ADAM30: variants seen among roughly 807,000 people sequenced by gnomAD.
ADAM30 encodes the protein ADAM metallopeptidase domain 30.
For missense variants in ADAM30, 960 were observed against 959.4 expected, an observed-to-expected ratio of 1.00 and a Z score of -0.01; for synonymous variants, 382 against 340.9, an observed-to-expected ratio of 1.12 and a Z score of -1.33.
At position 119,895,320 on chromosome 1, in the gene ADAM30, C is replaced by A. The variant is rs1157676335; in HGVS notation, c.1017G>T (p.Glu339Asp). The part of the protein sequence containing the change: ...ILAPATWSAH[E>D]LGHAVGMSHD... ...GTGACATTCCTACAGCATGACCCAGCTCATGAGCAGACCAGGTAGCAGGGG... is the reference window on the plus strand; with the variant it reads ...GTGACATTCCTACAGCATGACCCAGATCATGAGCAGACCAGGTAGCAGGGG... Residue 339 changes from glutamate to aspartate, a missense_variant, in exon 1 of 1, where the codon GAG becomes GAT. Transcript: ENST00000369400. 3 of 1,614,168 alleles carry A rather than the reference C, an allele frequency of 1.9e-6. No homozygotes were observed. Among genetic ancestry groups the A allele is most frequent in the Non-Finnish European group, 1.7e-6 (2 of 1,180,038 alleles).
At position 119,894,672 on chromosome 1, in the gene ADAM30, G is replaced by T. The variant is rs1356079232; in HGVS notation, c.1665C>A (p.Gly555=). ...TTTCAACATTTATACACTGTAGCCT[G>T]CCACATATTGAATTTGCACTTTCAC... The part of the protein sequence containing the change: ...KKCESANSIC[G]RLQCINVETI... Residue 555 remains glycine (G), a synonymous_variant, in exon 1 of 1, where the codon GGC becomes GGA. Transcript: ENST00000369400. 6.2e-7 allele frequency: 1 copy of T among 1,614,068 alleles called. No individual in the cohort carries two copies. Among genetic ancestry groups the T allele is most frequent in the East Asian group, 2.2e-5 (1 of 44,880 alleles).
chr1:119,894,680 T>G lies in ADAM30; in HGVS notation c.1657A>C (p.Ile553Leu). The G allele has an allele frequency of 6.2e-7, 1 of 1,614,180 alleles. No homozygotes were observed. Among genetic ancestry groups the G allele is most frequent in the South Asian group, 1.1e-5 (1 of 91,074 alleles). ...TTTATACACTGTAGCCTGCCACATATTGAATTTGCACTTTCACACTTTTTA... is the reference window on the plus strand; with the variant it reads ...TTTATACACTGTAGCCTGCCACATAGTGAATTTGCACTTTCACACTTTTTA... ...NFKKCESANS[I>L]CGRLQCINVE... The change falls in exon 1 of 1, where the codon ATA becomes CTA. Residue 553 changes from isoleucine (I) to leucine (L), a missense_variant. By Grantham distance (5) the Ile-to-Leu change is conservative. Transcript: ENST00000369400.
rs1571134373 is a variant in ADAM30, at chr1:119,893,791, A to G, written c.*173T>C. ...CTGAGGGGCAAGTGAACACTCGAGAAGTAGAATGCACTGGTTTGTTTCCAA... is the reference window on the plus strand; with the variant it reads ...CTGAGGGGCAAGTGAACACTCGAGAGGTAGAATGCACTGGTTTGTTTCCAA... On this transcript the variant is annotated 3_prime_UTR_variant, in exon 1 of 1. Coordinates refer to ENST00000369400, the MANE Select transcript of ADAM30 (RefSeq NM_021794.4). 7.6e-7 allele frequency: 1 copy of G among 1,313,364 alleles called. No individual in the cohort carries two copies. The highest frequency in any genetic ancestry group is 2.5e-5 in the East Asian group (1 of 40,318). The allele number at this position is 1,313,364 out of a possible 1,614,324, so 81.4% of individuals were successfully genotyped here. A position where few individuals can be genotyped will look rare whatever the true frequency, so the allele number is the denominator to read the frequency against.
Position 119,895,698 on chromosome 1 carries a change from T to G in ADAM30, c.639A>C (p.Gln213His). The change falls in exon 1 of 1, where the codon CAA becomes CAC. Residue 213 changes from glutamine to histidine, a missense_variant. By Grantham distance (24) the Gln-to-His change is conservative. Transcript: ENST00000369400. ...TGTTGTTCACAAACCTATACCTACT[T>G]TGATCAAAGAGTAGGATCAATTCCA... ...KYLELILLFDQSRYRFVNNNL... is the reference protein window; with the variant it reads ...KYLELILLFDHSRYRFVNNNL... 1.2e-6 allele frequency: 2 copies of G among 1,614,154 alleles called. No homozygotes were observed. The highest frequency in any genetic ancestry group is 1.7e-6 in the Non-Finnish European group (2 of 1,180,032).
In ADAM30 at chr1:119,896,021, T is replaced by C. The variant is rs1338405174; in HGVS notation, c.316A>G (p.Ile106Val). 6 of 1,614,050 alleles carry C rather than the reference T, an allele frequency of 3.7e-6. No individual in the cohort carries two copies. The Middle Eastern group carries it at 6.6e-4, about 177-fold the overall frequency. ...HGELLEDHPY[I>V]PKDCNYMGSV... The stretch of plus-strand genomic sequence containing the variant: ...CCCATGTAGTTGCAGTCCTTTGGTA[T>C]GTAAGGATGATCCTCCAGCAGTTCC... The change falls in exon 1 of 1, where the codon ATA becomes GTA. Residue 106 changes from isoleucine (I) to valine (V), a missense_variant. Physicochemically the swap from Ile to Val is conservative, Grantham distance 29. Transcript: ENST00000369400.
At position 119,894,453 on chromosome 1, in the gene ADAM30, G is replaced by A; in HGVS notation, c.1884C>T (p.Val628=). The A allele has an allele frequency of 6.2e-7, 1 of 1,614,134 alleles. No homozygotes were observed. The highest frequency in any genetic ancestry group is 8.5e-7 in the Non-Finnish European group (1 of 1,180,032). Reference sequence around the variant, plus strand: ...TCTCAGGCAAACAGTCAAACTGCAGGACTGAGCTATTGACGCAATTTTTTT... The same window carrying A: ...TCTCAGGCAAACAGTCAAACTGCAGAACTGAGCTATTGACGCAATTTTTTT... ...CFKKNCVNSS[V]LQFDCLPEKC... Residue 628 remains valine (V), a synonymous_variant, in exon 1 of 1, where the codon GTC becomes GTT. Coordinates refer to ENST00000369400, the MANE Select transcript of ADAM30 (RefSeq NM_021794.4).
chr1:119,896,173 A>G lies in ADAM30; in HGVS notation c.164T>C (p.Val55Ala), dbSNP rs137940074. 1.9e-6 allele frequency: 3 copies of G among 1,613,958 alleles called. No homozygotes were observed. Among genetic ancestry groups the G allele is most frequent in the Non-Finnish European group, 2.5e-6 (3 of 1,179,980 alleles). Residue 55 changes from valine (V) to alanine (A), a missense_variant, in exon 1 of 1, where the codon GTG becomes GCG. Val to Ala is a moderately conservative substitution (Grantham distance 64, BLOSUM62 0). Transcript: ENST00000369400. ...IPEKLSFRGE[V>A]QGVVSPVSYL... ...GGACACGGGACTGACCACACCCTGC[A>G]CCTCTCCCCGGAAGCTCAGCTTCTC...
At position 119,896,389 on chromosome 1, in the gene ADAM30, C is replaced by A. The variant is rs1367935069; in HGVS notation, c.-53G>T. On this transcript the variant is annotated 5_prime_UTR_variant, in exon 1 of 1. The change creates a new upstream start codon in the 5' untranslated region. Coordinates refer to ENST00000369400, the MANE Select transcript of ADAM30 (RefSeq NM_021794.4). ...GCTATTCAGTCCCTGCAACTCTGGC[C>A]TCGCGAGTCAGATTTCTGGGGGCCG... 3.4e-6 allele frequency: 5 copies of A among 1,475,322 alleles called. No homozygotes were observed. In the South Asian group the frequency reaches 5.9e-5, roughly 17 times the overall value. 91.4% of individuals were successfully genotyped at this position (1,475,322 alleles called of 1,614,324 possible). A position where few individuals can be genotyped will look rare whatever the true frequency, so the allele number is the denominator to read the frequency against.
rs1197748140 is a variant in ADAM30, at chr1:119,893,699, C to T, written c.*265G>A. ...GTAATTCTAGGAAACTCACTACTTT[C>T]AGAGCTTTAGTGTATGGAAAAGCCA... is the stretch of plus-strand genomic sequence containing the variant. On this transcript the variant is annotated 3_prime_UTR_variant, in exon 1 of 1. Transcript: ENST00000369400. The T allele has an allele frequency of 7.5e-6, 4 of 533,148 alleles. No homozygotes were observed. The African/African-American group carries it at 7.7e-5, about 10-fold the overall frequency. The allele number at this position is 533,148 out of a possible 1,614,324, so 33.0% of individuals were successfully genotyped here.
Position 119,895,392 on chromosome 1 carries a change from T to C in ADAM30, c.945A>G (p.Leu315=). The change falls in exon 1 of 1, where the codon CTA becomes CTG. Residue 315 remains leucine, a synonymous_variant. Coordinates refer to ENST00000369400, the MANE Select transcript of ADAM30 (RefSeq NM_021794.4). ...AAGTACTCACTGATCCAGCATATTC[T>C]AGAGAACACACTTTTCCAAACGACC... ...LAWSFGKVCS[L]EYAGSVSTLL... is the part of the protein sequence containing the mutation. The C allele has an allele frequency of 6.2e-7, 1 of 1,614,118 alleles. No homozygotes were observed. The highest frequency in any genetic ancestry group is 1.1e-5 in the South Asian group (1 of 91,040).
At position 119,894,766 on chromosome 1, in the gene ADAM30, T is replaced by G; in HGVS notation, c.1571A>C (p.Asp524Ala). The change falls in exon 1 of 1, where the codon GAT becomes GCT. Residue 524 changes from aspartate to alanine, a missense_variant. By Grantham distance (126) the Asp-to-Ala change is moderately radical. Transcript: ENST00000369400. The part of the protein sequence containing the change: ...DAMEAPSECY[D>A]AVNLIGDQFG... Reference sequence around the variant, plus strand: ...TTGATCACCTATTAAGTTAACTGCATCATAGCACTCACTAGGAGCCTCCAT... The same window carrying G: ...TTGATCACCTATTAAGTTAACTGCAGCATAGCACTCACTAGGAGCCTCCAT... 1 of 1,614,216 alleles carries G rather than the reference T, an allele frequency of 6.2e-7. No homozygotes were observed. Among genetic ancestry groups the G allele is most frequent in the Non-Finnish European group, 8.5e-7 (1 of 1,180,036 alleles).
rs1320453338 is a variant in ADAM30, at chr1:119,893,802, C to G, written c.*162G>C. The G allele has an allele frequency of 7.1e-7, 1 of 1,399,418 alleles. No homozygotes were observed. The highest frequency in any genetic ancestry group is 9.5e-7 in the Non-Finnish European group (1 of 1,056,984). The allele number at this position is 1,399,418 out of a possible 1,614,324, so 86.7% of individuals were successfully genotyped here. ...GTGAACACTCGAGAAGTAGAATGCACTGGTTTGTTTCCAAAACAAGAATGC... is the reference window on the plus strand; with the variant it reads ...GTGAACACTCGAGAAGTAGAATGCAGTGGTTTGTTTCCAAAACAAGAATGC... On this transcript the variant is annotated 3_prime_UTR_variant, in exon 1 of 1. Coordinates refer to ENST00000369400, the MANE Select transcript of ADAM30 (RefSeq NM_021794.4).
chr1:119,896,062 G>A lies in ADAM30; in HGVS notation c.275C>T (p.Ser92Phe), dbSNP rs1280658470. 1 of 1,614,010 alleles carries A rather than the reference G, an allele frequency of 6.2e-7. No individual in the cohort carries two copies. The highest frequency in any genetic ancestry group is 8.5e-7 in the Non-Finnish European group (1 of 1,180,032). The change falls in exon 1 of 1, where the codon TCC becomes TTC. Residue 92 changes from serine to phenylalanine, a missense_variant. By Grantham distance (155) the Ser-to-Phe change is radical. Coordinates refer to ENST00000369400, the MANE Select transcript of ADAM30 (RefSeq NM_021794.4). ...CAGCAGTTCCCCATGTTCTGTGAAG[G>A]AGAAAACGCGCAGATGTCGGGGCAA... ...LLLPRHLRVF[S>F]FTEHGELLED... is the part of the protein sequence containing the mutation.
In ADAM30 at chr1:119,894,574, C is replaced by T; in HGVS notation, c.1763G>A (p.Gly588Asp). ...TTTCATGGATAGATGATAGCCTGTG[C>T]CCCAGCACATGAGATTTTCTGCCTG... ...HLQAENLMCW[G>D]TGYHLSMKPM... Residue 588 changes from glycine (G) to aspartate (D), a missense_variant, in exon 1 of 1, where the codon GGC becomes GAC. Physicochemically the swap from Gly to Asp is moderately conservative, Grantham distance 94 (BLOSUM62 -1). Coordinates refer to ENST00000369400, the MANE Select transcript of ADAM30 (RefSeq NM_021794.4). 1 of 1,613,978 alleles carries T rather than the reference C, an allele frequency of 6.2e-7. No individual in the cohort carries two copies. Among genetic ancestry groups the T allele is most frequent in the Non-Finnish European group, 8.5e-7 (1 of 1,180,040 alleles).
rs1648491403 is a variant in ADAM30, at chr1:119,893,860, A to G, written c.*104T>C. The G allele has an allele frequency of 4.0e-6, 6 of 1,513,094 alleles. No individual in the cohort carries two copies. The Admixed American group carries it at 1.2e-4, about 29-fold the overall frequency. The allele number at this position is 1,513,094 out of a possible 1,614,324, so 93.7% of individuals were successfully genotyped here. On this transcript the variant is annotated 3_prime_UTR_variant, in exon 1 of 1. Coordinates refer to ENST00000369400, the MANE Select transcript of ADAM30 (RefSeq NM_021794.4). ...TTGCTGATCAAAACTTGTGGGAAAAATTAAAGTAAAAAAATATTGGGAGAA... is the reference window on the plus strand; with the variant it reads ...TTGCTGATCAAAACTTGTGGGAAAAGTTAAAGTAAAAAAATATTGGGAGAA...
In ADAM30 at chr1:119,894,588, A is replaced by G. The variant is rs756628376; in HGVS notation, c.1749T>C (p.Asn583=). 1 of 1,613,928 alleles carries G rather than the reference A, an allele frequency of 6.2e-7. No individual in the cohort carries two copies. The highest frequency in any genetic ancestry group is 8.5e-7 in the Non-Finnish European group (1 of 1,180,030). The change falls in exon 1 of 1, where the codon AAT becomes AAC. Residue 583 remains asparagine (N), a synonymous_variant. Transcript: ENST00000369400. ...TIISTHLQAE[N]LMCWGTGYHL... is the part of the protein sequence containing the mutation. Reference sequence around the variant, plus strand: ...GATAGCCTGTGCCCCAGCACATGAGATTTTCTGCCTGTAAATGAGTAGAAA... The same window carrying G: ...GATAGCCTGTGCCCCAGCACATGAGGTTTTCTGCCTGTAAATGAGTAGAAA...
At position 119,894,149 on chromosome 1, in the gene ADAM30, T is replaced by C. The variant is rs771247596; in HGVS notation, c.2188A>G (p.Thr730Ala). The change falls in exon 1 of 1, where the codon ACT becomes GCT. Residue 730 changes from threonine to alanine, a missense_variant. By Grantham distance (58) the Thr-to-Ala change is moderately conservative (BLOSUM62 0). Transcript: ENST00000369400. ...TTTGTTTTAGATTCTTCCTGTTCAGTTTTTGCTTTGGATAGTGGCATTTTT... is the reference window on the plus strand; with the variant it reads ...TTTGTTTTAGATTCTTCCTGTTCAGCTTTTGCTTTGGATAGTGGCATTTTT... ...QEKMPLSKAKTEQEESKTKTV... is the reference protein window; with the variant it reads ...QEKMPLSKAKAEQEESKTKTV... The C allele has an allele frequency of 6.2e-7, 1 of 1,613,696 alleles. No individual in the cohort carries two copies. Among genetic ancestry groups the C allele is most frequent in the Non-Finnish European group, 8.5e-7 (1 of 1,179,968 alleles).
chr1:119,895,964 T>G lies in ADAM30; in HGVS notation c.373A>C (p.Thr125Pro). 1.2e-6 allele frequency: 2 copies of G among 1,614,158 alleles called. No individual in the cohort carries two copies. Among genetic ancestry groups the G allele is most frequent in the Non-Finnish European group, 1.7e-6 (2 of 1,180,008 alleles). ...AGACCCCCCATGCATGTGCTTATAG[T>G]AGCTTTAGAGTCCAGAGACTCTTTC... ...SVKESLDSKATISTCMGGLRG... is the reference protein window; with the variant it reads ...SVKESLDSKAPISTCMGGLRG... Residue 125 changes from threonine to proline, a missense_variant, in exon 1 of 1, where the codon ACT becomes CCT. By Grantham distance (38) the Thr-to-Pro change is conservative. Coordinates refer to ENST00000369400, the MANE Select transcript of ADAM30 (RefSeq NM_021794.4).
In ADAM30 at chr1:119,894,480, A is replaced by C; in HGVS notation, c.1857T>G (p.Phe619Leu). ...CTGAGCTATTGACGCAATTTTTTTT[A>C]AAACATACCCGGCCTTCTCCACAGG... ...GTSCGEGRVC[F>L]KKNCVNSSVL... is the part of the protein sequence containing the mutation. Residue 619 changes from phenylalanine to leucine, a missense_variant, in exon 1 of 1, where the codon TTT (phenylalanine) becomes TTG (leucine). Coordinates refer to ENST00000369400, the MANE Select transcript of ADAM30 (RefSeq NM_021794.4). The C allele has an allele frequency of 6.2e-7, 1 of 1,614,140 alleles. No individual in the cohort carries two copies. Among genetic ancestry groups the C allele is most frequent in the South Asian group, 1.1e-5 (1 of 91,082 alleles).
Sources: gnomAD v4.1 joint callset for allele counts on GRCh38, gnomAD v4.1.1 for gene constraint, MANE v1.5 for transcripts, NCBI Gene and HGNC (gene_info 2026-07-23, HGNC 2026-07-21) for gene names.